The following NIN variants were observed in gnomAD, a reference collection of about 807,000 sequenced individuals.
NIN encodes the protein glycogen synthase kinase 3 beta-interacting protein.
In NIN, 137 loss-of-function variants were observed where a neutral mutation model predicts 257.6. The ratio of observed to expected loss-of-function variants is 0.53; its 90% CI spans 0.46 to 0.61. The LOEUF is 0.61. Ranked by LOEUF, NIN falls within the 20% of genes least tolerant of loss-of-function variation. The pLI is 0.00. For missense variants in NIN, 2,439 were observed against 2,501.2 expected, an observed-to-expected ratio of 0.98 and a Z score of 0.53; for synonymous variants, 918 against 919.8, an observed-to-expected ratio of 1.00 and a Z score of 0.04.
In NIN at chr14:50,792,738, G is replaced by C; in HGVS notation, c.409C>G (p.His137Asp). ...TCACTGCAGTCACCGGCTGGGATGTGTGAAGGCCGCGCTTCTTCATCCAGT... is the reference window on the plus strand; with the variant it reads ...TCACTGCAGTCACCGGCTGGGATGTCTGAAGGCCGCGCTTCTTCATCCAGT... ...EPLDEEARPS[H>D]IPAGDCSEHW... The change falls in exon 5 of 31, where the codon CAC becomes GAC. Residue 137 changes from histidine to aspartate, a missense_variant. Physicochemically the swap from His to Asp is moderately conservative, Grantham distance 81. Coordinates refer to ENST00000530997, the MANE Select transcript of NIN (RefSeq NM_020921.4). 3 of 1,614,172 alleles carry C rather than the reference G, an allele frequency of 1.9e-6. No individual in the cohort carries two copies. Among genetic ancestry groups the C allele is most frequent in the Non-Finnish European group, 2.5e-6 (3 of 1,180,034 alleles).
rs781233629 is a variant in NIN at position 50,758,259 on chromosome 14, T to C, written c.2771A>G (p.Asn924Ser). ...QLLQDLEDLR[N>S]VSETQQSLLS... The stretch of plus-strand genomic sequence containing the variant: ...CAGGCTTTGCTGGGTTTCAGATACA[T>C]TTCTTAGGTCTTCCAGGTCTTGGAG... Residue 924 changes from asparagine (N) to serine (S), a missense_variant, in exon 18 of 31, where the codon AAT becomes AGT. Physicochemically the swap from Asn to Ser is conservative, Grantham distance 46 (BLOSUM62 1). This residue lies in a region of NIN where 2,043 missense variants were observed against 2,050.2 expected (regional missense o/e 1.00). Transcript: ENST00000530997. 6 of 1,614,224 alleles carry C rather than the reference T, an allele frequency of 3.7e-6. No homozygotes were observed. The highest frequency in any genetic ancestry group is 5.1e-6 in the Non-Finnish European group (6 of 1,180,038).
intron 1 of NIN, chr14:50,830,750 C>T (rs1187787366): frequency 6.6e-6 from 1 of 151,810 alleles, no homozygotes; most frequent in Middle Eastern, 3.2e-3. Flanking sequence ...GCGCAGCCCG[C>T]GCCTCCGGGA....
Position 50,760,216 on chromosome 14 carries a change from C to T in NIN, c.2040G>A (p.Gln680=), listed in dbSNP as rs762965928. Reference sequence around the variant, plus strand: ...CCTCCTTGAGCACTGCTGCTTGCCCCTGAAGTTCAGCAATTTCATTTTTAA... The same window carrying T: ...CCTCCTTGAGCACTGCTGCTTGCCCTTGAAGTTCAGCAATTTCATTTTTAA... ...SDLKNEIAEL[Q]GQAAVLKEAH... is the part of the protein sequence containing the mutation. Residue 680 remains glutamine, a synonymous_variant, in exon 17 of 31, where the codon CAG becomes CAA. Transcript: ENST00000530997. 2.5e-6 allele frequency: 4 copies of T among 1,613,858 alleles called. No homozygotes were observed. Among genetic ancestry groups the T allele is most frequent in the African/African-American group, 1.3e-5 (1 of 75,066 alleles).
chr14:50,794,524 T>C, intron 4 of NIN: 1 of 987,842 alleles, frequency 1.0e-6, no homozygotes, highest in Non-Finnish European at 1.2e-6. Context: ...CACCCACAGA[T>C]GCTAGTCAGA....
intron 4 of NIN, among the ~76,000 whole-genome samples, chr14:50,801,707 T>C (rs1019637088): frequency 6.6e-6 from 1 of 152,270 alleles, no homozygotes; most frequent in Admixed American, 6.5e-5. Context: ...GTCTGTTAAC[T>C]GTATGTATCA....
In NIN at chr14:50,743,316, T is replaced by C. The variant is rs963285816; in HGVS notation, c.5301+100A>G. ...TCAAATTGAATCATTTGGAACCCTC[T>C]TACGCTACTTCTACCTGGAACACTC... On this transcript the variant is annotated intron_variant, in intron 24 of 30. Transcript: ENST00000530997. 5.2e-6 allele frequency: 4 copies of C among 773,480 alleles called. No individual in the cohort carries two copies. In the African/African-American group the frequency reaches 6.8e-5, roughly 13 times the overall value. 47.9% of individuals were successfully genotyped at this position (773,480 alleles called of 1,614,324 possible).
chr14:50,794,695 A>G (rs546911765), intron 4 of NIN, among the ~76,000 whole-genome samples: 2 of 152,056 alleles, frequency 1.3e-5, no homozygotes, highest in Non-Finnish European at 2.9e-5. Context: ...GTATAAGAAC[A>G]AAGTTGTGTC....
intron 21 of NIN, among the ~76,000 whole-genome samples, 188 bp from the exon 22 acceptor site, chr14:50,748,293 T>A (rs1222494560): frequency 6.6e-6 from 1 of 152,172 alleles, no homozygotes; most frequent in African/African-American, 2.4e-5. Flanking sequence ...TGCTAAAAAC[T>A]CTCAATAAAC....
chr14:50,793,989 C>T (rs1041615357), intron 4 of NIN, among the ~76,000 whole-genome samples: 1 of 152,110 alleles, frequency 6.6e-6, no homozygotes, highest in Non-Finnish European at 1.5e-5. Context: ...TGAGTCTTAG[C>T]AAGGTATGTC....
intron 24 of NIN, among the ~76,000 whole-genome samples, chr14:50,742,993 T>C (rs1423413317): frequency 6.6e-6 from 1 of 152,198 alleles, no homozygotes; most frequent in African/African-American, 2.4e-5. Flanking sequence ...AGATGGAGTC[T>C]CGCTCTGTCG....
At chr14:50,798,630 G>T (rs1388856882) in intron 4 of NIN, among the ~76,000 whole-genome samples, 1 of 152,232 alleles carries the variant, frequency 6.6e-6, no homozygotes, top group African/African-American at 2.4e-5. Context: ...TTTTTGGGAA[G>T]AAGGATGAGA....
At chr14:50,760,436 GC>G in intron 16 of NIN, 77 bp from the exon 17 acceptor site, 32 of 544,196 alleles carry the variant, frequency 5.9e-5, no homozygotes, top group South Asian at 2.1e-4. Flanking sequence ...AGCAGCAATT[GC>G]TTTTTTTTTT....
chr14:50,827,591 CAAAAAAAAAAA>C (rs11351454), intron 2 of NIN, among the ~76,000 whole-genome samples: 1 of 137,084 alleles, frequency 7.3e-6, no homozygotes, highest in Admixed American at 7.3e-5. Flanking sequence ...ACTAAAAATA[CAAAAAAAAAAA>C]AAAAAATAGC....
At chr14:50,756,413 T>C (rs1334513803) in intron 18 of NIN, 79 bp downstream of exon 18, 39 of 1,467,140 alleles carry the variant, frequency 2.7e-5, no homozygotes, top group Non-Finnish European at 3.5e-5. Flanking sequence ...TTAGTTTCTC[T>C]AGGCACGGCA....
chr14:50,800,575 A>C (rs931574142), intron 4 of NIN, among the ~76,000 whole-genome samples: 1 of 152,208 alleles, frequency 6.6e-6, no homozygotes, highest in Non-Finnish European at 1.5e-5. Flanking sequence ...ATAGCATAAA[A>C]TCTGAGAGTA....
chr14:50,798,979 A>T (rs2142094698), intron 4 of NIN, among the ~76,000 whole-genome samples: 1 of 152,310 alleles, frequency 6.6e-6, no homozygotes, highest in East Asian at 1.9e-4. Context: ...GGGTTTCACC[A>T]CGTTGGCCAG....
intron 28 of NIN, among the ~76,000 whole-genome samples, chr14:50,732,991 C>A (rs1409169573): frequency 1.3e-5 from 2 of 151,994 alleles, no homozygotes; most frequent in African/African-American, 4.8e-5. Context: ...TTGCTTGAGC[C>A]CAAGAATTCA....
intron 4 of NIN, among the ~76,000 whole-genome samples, chr14:50,800,034 ACACACACACACAC>A (rs1273759993): frequency 6.8e-6 from 1 of 147,382 alleles, no homozygotes; most frequent in Non-Finnish European, 1.5e-5. Context: ...ACACACACAC[ACACACACACACAC>A]AACTCCCAAG....
At chr14:50,730,258 A>G (rs1037031391) in intron 28 of NIN, among the ~76,000 whole-genome samples, 1 of 152,254 alleles carries the variant, frequency 6.6e-6, no homozygotes, top group East Asian at 1.9e-4. Flanking sequence ...TAGATTAAAC[A>G]GCACAAGACA....
Sources: allele counts gnomAD v4.1 joint callset (sites outside exome capture counted in the v4.1 genomes callset), GRCh38; gene constraint gnomAD v4.1.1; regional missense constraint gnomAD v4.1.1; transcripts MANE v1.5; gene names NCBI Gene and HGNC (gene_info 2026-07-23, HGNC 2026-07-21).